Variants in ABCC3 observed in about 807,000 individuals in gnomAD.
ABCC3 encodes the protein ATP binding cassette subfamily C member 3.
Under a neutral mutation model 165.3 loss-of-function variants are expected in ABCC3, and 121 were observed. That is an observed-to-expected ratio of 0.73 (90% CI 0.63 to 0.85). The LOEUF (loss-of-function observed/expected upper bound fraction) is 0.85. ABCC3 is among the 40% of genes least tolerant of loss of function. ABCC3 has a pLI of 0.00. For synonymous variants in ABCC3, 733 were observed against 810.1 expected (o/e 0.90, Z 1.62); for missense variants, 1,869 against 1,964.1 (o/e 0.95, Z 0.92).
chr17:50,650,560 AT>A (rs1280934594), intron 1 of ABCC3, among the ~76,000 whole-genome samples: 1 of 152,078 alleles, frequency 6.6e-6, no homozygotes, highest in Non-Finnish European at 1.5e-5. Flanking sequence ...TCCTCTTCTC[AT>A]TTTCGAAAAA....
intron 10 of ABCC3, 49 bp downstream of exon 10, chr17:50,664,160 A>C: frequency 6.2e-7 from 1 of 1,606,126 alleles, no homozygotes; most frequent in South Asian, 1.1e-5. Flanking sequence ...CATGCTGCAG[A>C]AGTGGCAAGA....
At chr17:50,689,270 A>G (rs982666793) in intron 30 of ABCC3, among the ~76,000 whole-genome samples, 2 of 152,188 alleles carry the variant, frequency 1.3e-5, no homozygotes, top group Non-Finnish European at 1.5e-5. Context: ...CCTTGCTCTA[A>G]TTCTTGCGCT....
intron 30 of ABCC3, among the ~76,000 whole-genome samples, chr17:50,688,158 T>C (rs149867292): frequency 0.13 from 20,056 of 151,850 alleles, 1,978 homozygotes; most frequent in African/African-American, 0.27. Flanking sequence ...GATCCACCTG[T>C]CTCGGCCTCC....
Position 50,668,834 on chromosome 17 carries a change from C to G in ABCC3, c.1871-19C>G. 1.9e-6 allele frequency: 3 copies of G among 1,612,718 alleles called. No individual in the cohort carries two copies. Among genetic ancestry groups the G allele is most frequent in the Non-Finnish European group, 2.5e-6 (3 of 1,179,114 alleles). Reference sequence around the variant, plus strand: ...CCCTTGAGCTCCCTCCCTGACCCTGCCCACCTTGGTCCTCTCAGGCTATGC... The same window carrying G: ...CCCTTGAGCTCCCTCCCTGACCCTGGCCACCTTGGTCCTCTCAGGCTATGC... On this transcript the variant is annotated intron_variant, in intron 14 of 30. Transcript: ENST00000285238.
chr17:50,668,367 C>T (rs573827685), intron 13 of ABCC3, 63 bp from the exon 14 acceptor site: 36 of 1,434,768 alleles, frequency 2.5e-5, no homozygotes, highest in South Asian at 7.1e-5. Flanking sequence ...GGGGATGGGG[C>T]GAGGGTAGGG....
chr17:50,653,631 T>C (rs1054439335), intron 1 of ABCC3, among the ~76,000 whole-genome samples: 1 of 151,654 alleles, frequency 6.6e-6, no homozygotes, highest in Non-Finnish European at 1.5e-5. Context: ...CACACACCTG[T>C]AATCCCAGCT....
At chr17:50,658,901 G>A (rs1209476608) in intron 6 of ABCC3, among the ~76,000 whole-genome samples, 1 of 152,226 alleles carries the variant, frequency 6.6e-6, no homozygotes, top group African/African-American at 2.4e-5. Flanking sequence ...ACAGCACTGA[G>A]GAAGCACCCG....
At chr17:50,671,575 C>T (rs142457212) in intron 17 of ABCC3, among the ~76,000 whole-genome samples, 12 of 152,190 alleles carry the variant, frequency 7.9e-5, no homozygotes, top group African/African-American at 2.2e-4. Flanking sequence ...GAAGAGTCCA[C>T]GGTCCAGGGG....
chr17:50,662,903 G>A (rs976470725), intron 8 of ABCC3, among the ~76,000 whole-genome samples: 1 of 152,108 alleles, frequency 6.6e-6, no homozygotes, highest in African/African-American at 2.4e-5. Flanking sequence ...AATAGGTGAA[G>A]GTGTAGAGCT....
At chr17:50,687,900 G>A (rs563569548) in intron 30 of ABCC3, among the ~76,000 whole-genome samples, 170 bp downstream of exon 30, 1 of 152,208 alleles carries the variant, frequency 6.6e-6, no homozygotes, top group Admixed American at 6.5e-5. Context: ...GACCAGAGTG[G>A]GGTGGCCTGG....
chr17:50,672,576 C>G (rs370542828), intron 17 of ABCC3, among the ~76,000 whole-genome samples: 7 of 152,156 alleles, frequency 4.6e-5, no homozygotes, highest in African/African-American at 1.7e-4. Context: ...GACTGCTGTT[C>G]TGGTCAGGCA....
At position 50,673,334 on chromosome 17, in the gene ABCC3, C is replaced by A. The variant is rs967672441; in HGVS notation, c.2410-135C>A. ...GGTTCTGAGCAGGCTGTGGCGAGCACAGGGTGAGTCACCCATGTGCCTGTC... is the reference window on the plus strand; with the variant it reads ...GGTTCTGAGCAGGCTGTGGCGAGCAAAGGGTGAGTCACCCATGTGCCTGTC... On this transcript the variant is annotated intron_variant, in intron 18 of 30. Coordinates refer to ENST00000285238, the MANE Select transcript of ABCC3 (RefSeq NM_003786.4). The A allele has an allele frequency of 3.9e-6, 5 of 1,277,104 alleles. No homozygotes were observed. In the Admixed American group the frequency reaches 8.9e-5, roughly 23 times the overall value. The allele number at this position is 1,277,104 out of a possible 1,614,324, so 79.1% of individuals were successfully genotyped here. A position where few individuals can be genotyped will look rare whatever the true frequency, so the allele number is the denominator to read the frequency against.
In ABCC3 at chr17:50,663,878, A is replaced by C; in HGVS notation, c.1176+20A>C. The C allele has an allele frequency of 3.7e-6, 6 of 1,614,184 alleles. No individual in the cohort carries two copies. Among genetic ancestry groups the C allele is most frequent in the Non-Finnish European group, 5.1e-6 (6 of 1,180,012 alleles). ...AGGAAGGTCAGCTGGAGCAGGGCCC[A>C]GGGGAAAGGCTGGCCCTGGGCAGCT... On this transcript the variant is annotated intron_variant, in intron 9 of 30. Coordinates refer to ENST00000285238, the MANE Select transcript of ABCC3 (RefSeq NM_003786.4).
At chr17:50,673,958 T>C (rs1277177853) in intron 19 of ABCC3, among the ~76,000 whole-genome samples, 2 of 15,950 alleles carry the variant, frequency 1.3e-4, no homozygotes, top group South Asian at 2.9e-3. Flanking sequence ...CTTTCTTTCT[T>C]TCTTTCTTTC....
At chr17:50,644,569 G>A (rs1966962406) in intron 1 of ABCC3, among the ~76,000 whole-genome samples, 1 of 152,058 alleles carries the variant, frequency 6.6e-6, no homozygotes, top group Non-Finnish European at 1.5e-5. Context: ...AAATTTAGCT[G>A]GGTGTGGTGG....
chr17:50,645,136 G>A (rs1450213151), intron 1 of ABCC3, among the ~76,000 whole-genome samples: 1 of 151,976 alleles, frequency 6.6e-6, no homozygotes, highest in Non-Finnish European at 1.5e-5. Flanking sequence ...TGGAGGCAGA[G>A]GTTGCAGTGA....
chr17:50,671,702 C>CT (rs386386244), intron 17 of ABCC3, among the ~76,000 whole-genome samples: 795 of 56,376 alleles, frequency 0.014, 129 homozygotes, highest in Non-Finnish European at 0.019. Context: ...TCCTTCCTTC[C>CT]TTTTTTTTTT....
rs1021750336 is a variant in ABCC3, at chr17:50,656,601, G to A, written c.223-101G>A. ...CAGACCTCAGTGCCAGTCCCAGGCA[G>A]GTCTAGTGGATTCTGGTGGCTTCAG... On this transcript the variant is annotated intron_variant, in intron 2 of 30. Transcript: ENST00000285238. 10 of 1,477,106 alleles carry A rather than the reference G, an allele frequency of 6.8e-6. No individual in the cohort carries two copies. In the African/African-American group the frequency reaches 1.1e-4, roughly 17 times the overall value. 91.5% of individuals were successfully genotyped at this position (1,477,106 alleles called of 1,614,324 possible).
chr17:50,652,579 T>A (rs11870374), intron 1 of ABCC3, among the ~76,000 whole-genome samples: 87 of 152,348 alleles, frequency 5.7e-4, no homozygotes, highest in Admixed American at 2.4e-3. Context: ...AGGTCAAAAC[T>A]TTCCCACTGT....
Sources: allele counts gnomAD v4.1 joint callset (sites outside exome capture counted in the v4.1 genomes callset), GRCh38; gene constraint gnomAD v4.1.1; transcripts MANE v1.5; gene names NCBI Gene and HGNC (gene_info 2026-07-23, HGNC 2026-07-21).